CPQ: variants seen among roughly 807,000 people sequenced by gnomAD.
The protein encoded by CPQ is carboxypeptidase Q, also known as Ser-Met dipeptidase.
CPQ carries 37 observed loss-of-function variants against 45.7 expected under a neutral mutation model. That is an observed-to-expected ratio of 0.81 (90% confidence interval 0.62 to 1.07). CPQ has a LOEUF of 1.07. Ranked by LOEUF, CPQ falls within the 50% of genes least tolerant of loss-of-function variation. The pLI, the probability that CPQ is intolerant of heterozygous loss-of-function variation, is 0.00. For synonymous variants in CPQ, 186 were observed against 205.8 expected (o/e 0.90, Z 0.82); for missense variants, 537 against 572.9 (o/e 0.94, Z 0.64).
At chr8:96,997,308 A>T (rs1191516128) in intron 5 of CPQ, among the ~76,000 whole-genome samples, 1 of 151,926 alleles carries the variant, frequency 6.6e-6, no homozygotes, top group Non-Finnish European at 1.5e-5. Flanking sequence ...AGCTAGGAAA[A>T]TCTTACTTTT....
At chr8:96,715,435 T>C (rs1293972251) in intron 1 of CPQ, among the ~76,000 whole-genome samples, 1 of 152,200 alleles carries the variant, frequency 6.6e-6, no homozygotes, top group African/African-American at 2.4e-5. Flanking sequence ...ACTCTACTCC[T>C]TGTGCAAGCC....
intron 7 of CPQ, among the ~76,000 whole-genome samples, chr8:97,108,526 T>C (rs931464525): frequency 1.3e-5 from 2 of 152,244 alleles, no homozygotes; most frequent in Admixed American, 6.5e-5. Flanking sequence ...CGCAATTTCT[T>C]TTCAGATACT....
intron 4 of CPQ, among the ~76,000 whole-genome samples, chr8:96,910,509 T>TTC (rs1563526802): frequency 2.6e-5 from 4 of 152,122 alleles, no homozygotes; most frequent in East Asian, 3.9e-4. Flanking sequence ...AATCTTTTTT[T>TTC]TCTCTCTCTC....
At chr8:96,781,392 G>C (rs1451570509) in intron 1 of CPQ, among the ~76,000 whole-genome samples, 1 of 152,124 alleles carries the variant, frequency 6.6e-6, no homozygotes, top group Non-Finnish European at 1.5e-5. Context: ...TAGTGGAAGG[G>C]CAAGAGAGGG....
chr8:96,757,419 A>G (rs1308405010), intron 1 of CPQ, among the ~76,000 whole-genome samples: 1 of 149,936 alleles, frequency 6.7e-6, no homozygotes, highest in Non-Finnish European at 1.5e-5. Context: ...TAGTAATTTG[A>G]AGGCATTGCT....
chr8:96,792,686 T>G (rs1810865269), intron 2 of CPQ, among the ~76,000 whole-genome samples: 1 of 152,216 alleles, frequency 6.6e-6, no homozygotes, highest in Admixed American at 6.5e-5. Flanking sequence ...GTTACTCATT[T>G]AGTTTACTCA....
At chr8:97,099,596 C>T (rs904977764) in intron 7 of CPQ, among the ~76,000 whole-genome samples, 2 of 151,480 alleles carry the variant, frequency 1.3e-5, no homozygotes, top group South Asian at 2.1e-4. Flanking sequence ...GCTAAATTCT[C>T]ACCATGCTTG....
intron 7 of CPQ, among the ~76,000 whole-genome samples, chr8:97,106,136 G>C (rs887226889): frequency 6.6e-6 from 1 of 152,212 alleles, no homozygotes; most frequent in African/African-American, 2.4e-5. Context: ...CTTGGATTCT[G>C]TGCAGGATGG....
chr8:96,734,008 C>T (rs1809946262), intron 1 of CPQ, among the ~76,000 whole-genome samples: 1 of 152,186 alleles, frequency 6.6e-6, no homozygotes, highest in Non-Finnish European at 1.5e-5. Flanking sequence ...GTAGTTGGCC[C>T]TGACATGCCT....
chr8:96,915,327 C>T (rs1403203018), intron 4 of CPQ, among the ~76,000 whole-genome samples: 1 of 152,150 alleles, frequency 6.6e-6, no homozygotes, highest in Non-Finnish European at 1.5e-5. Context: ...AAGCCTACAG[C>T]TGTAATGCTG....
intron 4 of CPQ, among the ~76,000 whole-genome samples, chr8:96,957,942 C>T (rs950721689): frequency 1.3e-5 from 2 of 151,466 alleles, no homozygotes; most frequent in South Asian, 4.2e-4. Flanking sequence ...CAAGTATCCT[C>T]CTACCTCAGT....
intron 3 of CPQ, among the ~76,000 whole-genome samples, chr8:96,848,093 A>C (rs924057044): frequency 4.6e-5 from 7 of 152,226 alleles, no homozygotes; most frequent in Middle Eastern, 3.4e-3. Flanking sequence ...GTCAACAGTA[A>C]TAGTTTAATA....
At chr8:96,954,684 G>A (rs1024491104) in intron 4 of CPQ, among the ~76,000 whole-genome samples, 4 of 152,000 alleles carry the variant, frequency 2.6e-5, no homozygotes, top group African/African-American at 9.7e-5. Flanking sequence ...CCATGTTGGT[G>A]TGCTGCACCC....
intron 4 of CPQ, among the ~76,000 whole-genome samples, chr8:96,956,627 T>A (rs938493374): frequency 6.6e-6 from 1 of 152,128 alleles, no homozygotes; most frequent in Non-Finnish European, 1.5e-5. Context: ...TTATATTAGA[T>A]ACAAAACTAG....
chr8:96,985,536 T>G (rs1808949385), intron 5 of CPQ, among the ~76,000 whole-genome samples: 1 of 152,206 alleles, frequency 6.6e-6, no homozygotes, highest in Non-Finnish European at 1.5e-5. Flanking sequence ...TTTAGCCTGA[T>G]GCTTGGCATC....
intron 1 of CPQ, among the ~76,000 whole-genome samples, chr8:96,743,927 T>C (rs1196603594): frequency 6.6e-6 from 1 of 152,200 alleles, no homozygotes; most frequent in African/African-American, 2.4e-5. Flanking sequence ...TGCTGTCTTT[T>C]TGTTTGTCTG....
chr8:96,850,937 G>T (rs1449145967), intron 3 of CPQ, among the ~76,000 whole-genome samples: 2 of 152,048 alleles, frequency 1.3e-5, no homozygotes, highest in African/African-American at 4.8e-5. Context: ...ATTCCCTTTA[G>T]AAAACTTAAG....
At chr8:97,138,234 C>T (rs528788679) in intron 7 of CPQ, among the ~76,000 whole-genome samples, 1 of 152,176 alleles carries the variant, frequency 6.6e-6, no homozygotes, top group Non-Finnish European at 1.5e-5. Context: ...CAAGTTACCC[C>T]CCAGTGTCAA....
chr8:96,717,735 G>A (rs892562724), intron 1 of CPQ, among the ~76,000 whole-genome samples: 5 of 152,142 alleles, frequency 3.3e-5, no homozygotes, highest in Non-Finnish European at 5.9e-5. Flanking sequence ...GCAAAGCCAA[G>A]TCGTGGGCGC....
Sources: gnomAD v4.1 joint callset for allele counts (sites outside exome capture counted in the v4.1 genomes callset) on GRCh38, gnomAD v4.1.1 for gene constraint, MANE v1.5 for transcripts, NCBI Gene and HGNC (gene_info 2026-07-23, HGNC 2026-07-21) for gene names.